Variants in ANK2 observed in about 807,000 individuals in gnomAD.
ANK2 encodes the protein ankyrin-2.
In ANK2, 83 loss-of-function variants were observed where a neutral mutation model predicts 360.5. The ratio of observed to expected loss-of-function variants is 0.23; its 90% CI spans 0.19 to 0.28. The LOEUF (loss-of-function observed/expected upper bound fraction) is 0.28. Among genes scored for constraint, ANK2 ranks in the 10% least tolerant of loss-of-function variants. The pLI is 1.00. For synonymous variants in ANK2, 1,740 were observed against 1,759.5 expected, an observed-to-expected ratio of 0.99 and a Z score of 0.28; for missense variants, 4,201 against 4,795.7, an observed-to-expected ratio of 0.88 and a Z score of 3.66.
At position 112,922,257 on chromosome 4, in the gene ANK2, A is replaced by C. The variant is rs1581209861; in HGVS notation, c.21+17743A>C. On this transcript the variant is annotated intron_variant, in intron 2 of 30. Transcript: ENST00000503271. ...CTGCACTTTACTTTTCCTCACACTA[A>C]CCTCTCTAATTTTCTTAAGTGGTTG... Among the ~76,000 whole-genome samples the C allele has an allele frequency of 4.0e-5, 6 of 151,788 alleles. No homozygotes were observed. In the South Asian group the frequency reaches 1.3e-3, roughly 32 times the overall value.
intron 1 of ANK2, among the ~76,000 whole-genome samples, chr4:112,892,629 T>A (rs2080405802): frequency 6.6e-6 from 1 of 152,222 alleles, no homozygotes; most frequent in African/African-American, 2.4e-5. Context: ...GCTGACATTG[T>A]CCTGTTTACC....
In ANK2 at chr4:113,335,866, C is replaced by T. The variant is rs188812120; in HGVS notation, c.3400C>T (p.Leu1134=). The T allele has an allele frequency of 3.0e-5, 48 of 1,614,106 alleles. No homozygotes were observed. In the East Asian group the frequency reaches 9.4e-4, roughly 31 times the overall value. Residue 1134 remains leucine (L), a synonymous_variant, in exon 30 of 46, where the codon CTA becomes TTA. Transcript: ENST00000357077. ...MDEVLDSPED[L]EKKRICRIIT... ...CTTAGTACTGGATAGCCCAGAAGACCTAGAAAAGAAACGAATCTGCCGCAT... is the reference window on the plus strand; with the variant it reads ...CTTAGTACTGGATAGCCCAGAAGACTTAGAAAAGAAACGAATCTGCCGCAT...
intron 1 of ANK2, among the ~76,000 whole-genome samples, chr4:113,114,925 C>T (rs1041789902): frequency 1.3e-5 from 2 of 152,184 alleles, no homozygotes; most frequent in Non-Finnish European, 2.9e-5. Context: ...TTCCTTGGGA[C>T]TCATGCTATT....
Position 113,355,049 on chromosome 4 carries a change from T to C in ANK2, c.6431T>C (p.Leu2144Ser), listed in dbSNP as rs2154022426. The change falls in exon 38 of 46, where the codon TTG (leucine) becomes TCG (serine). Residue 2144 changes from leucine (L) to serine (S), a missense_variant. This residue lies in a region of ANK2 where 2,642 missense variants were observed against 2,714.5 expected (regional missense o/e 0.97). Coordinates refer to ENST00000357077, the MANE Select transcript of ANK2 (RefSeq NM_001148.6). Reference sequence around the variant, plus strand: ...TTCTCTGAGGTCATTAAGCAAGAGTTGGAAGACAATGACAAATACCAACAA... The same window carrying C: ...TTCTCTGAGGTCATTAAGCAAGAGTCGGAAGACAATGACAAATACCAACAA... ...TDFSEVIKQE[L>S]EDNDKYQQFR... 2 of 1,613,972 alleles carry C rather than the reference T, an allele frequency of 1.2e-6. No individual in the cohort carries two copies. The highest frequency in any genetic ancestry group is 1.7e-6 in the Non-Finnish European group (2 of 1,179,968).
At chr4:113,371,778 GT>G (rs2096746707) in intron 43 of ANK2, among the ~76,000 whole-genome samples, 1 of 152,190 alleles carries the variant, frequency 6.6e-6, no homozygotes, top group Admixed American at 6.5e-5. Flanking sequence ...AGAGACAAAT[GT>G]AAACATATAA....
In ANK2 at chr4:113,064,559, T is replaced by C. The variant is rs189748026; in HGVS notation, c.84+14747T>C. Among the ~76,000 whole-genome samples the C allele has an allele frequency of 2.3e-3, 356 of 152,300 alleles. 2 individuals are homozygous for C. The highest frequency in any genetic ancestry group is 7.1e-3 in the African/African-American group (295 of 41,562). The stretch of plus-strand genomic sequence containing the variant: ...TGCCAGCCCTGCTTATCCACCTCAC[T>C]CTAGGAGCTCAATTTGTGGTGGTGT... On this transcript the variant is annotated intron_variant, in intron 1 of 45. Transcript: ENST00000357077.
chr4:112,932,979 GA>G (rs1481810212), intron 2 of ANK2, among the ~76,000 whole-genome samples: 1 of 152,156 alleles, frequency 6.6e-6, no homozygotes, highest in Non-Finnish European at 1.5e-5. Flanking sequence ...GAATGGATCA[GA>G]AGTTAAGGGG....
At chr4:113,374,993 G>T in intron 45 of ANK2, 1 of 996,330 alleles carries the variant, frequency 1.0e-6, no homozygotes, top group African/African-American at 1.7e-5. Context: ...GTTTTATGTT[G>T]CTTTGCATTT....
At chr4:112,997,697 A>G (rs62317140) in intron 2 of ANK2, among the ~76,000 whole-genome samples, 50,952 of 151,676 alleles carry the variant, frequency 0.34, 9,091 homozygotes, top group East Asian at 0.54. Flanking sequence ...TATTTTTTTC[A>G]TTGACAAGTA....
At chr4:112,767,908 C>G in the ANK2 span, among the ~76,000 whole-genome samples, 3 of 152,168 alleles carry the variant, frequency 2.0e-5, no homozygotes, top group African/African-American at 7.2e-5. Context: ...CTCTCATCCT[C>G]TCCCAAGTCT....
chr4:113,367,750 ACT>A lies in ANK2; in HGVS notation c.11220_11221del (p.Phe3741SerfsTer21). 1 of 1,613,962 alleles carries A rather than the reference ACT, an allele frequency of 6.2e-7. No individual in the cohort carries two copies. Among genetic ancestry groups the A allele is most frequent in the Non-Finnish European group, 8.5e-7 (1 of 1,179,980 alleles). ...KTEGDSSATA[L>X]FPQTHKEQVQ... is the part of the protein sequence containing the mutation. Reference sequence around the variant, plus strand: ...CTGAGGGGGACAGCTCAGCAACAGCACTCTTTCCCCAAACTCACAAGGAGCAA... The same window carrying A: ...CTGAGGGGGACAGCTCAGCAACAGCACTTTCCCCAAACTCACAAGGAGCAA... On this transcript the variant is annotated frameshift_variant, in exon 42 of 46. Transcript: ENST00000357077. LOFTEE classifies it high-confidence loss of function.
chr4:113,210,422 G>A (rs1430302747), intron 4 of ANK2, among the ~76,000 whole-genome samples: 3 of 152,188 alleles, frequency 2.0e-5, no homozygotes, highest in Admixed American at 6.5e-5. Flanking sequence ...AGTATAAAAT[G>A]AGTAAAAAGT....
chr4:113,200,763 A>G (rs1185518472), intron 4 of ANK2, among the ~76,000 whole-genome samples: 1 of 152,010 alleles, frequency 6.6e-6, no homozygotes, highest in Non-Finnish European at 1.5e-5. Flanking sequence ...TGACTTTGCT[A>G]TTGTGAATAA....
At chr4:112,756,466 C>G in the ANK2 span, among the ~76,000 whole-genome samples, 1 of 152,148 alleles carries the variant, frequency 6.6e-6, no homozygotes, top group Non-Finnish European at 1.5e-5. Flanking sequence ...AAATGGCAAT[C>G]AATTTATTAG....
chr4:113,066,974 G>C (rs931442328), intron 1 of ANK2, among the ~76,000 whole-genome samples: 1 of 151,952 alleles, frequency 6.6e-6, no homozygotes, highest in African/African-American at 2.4e-5. Context: ...TGAGTGTTTT[G>C]TTGCTAGTTT....
At chr4:113,153,570 C>T (rs2097170355) in intron 1 of ANK2, among the ~76,000 whole-genome samples, 1 of 152,092 alleles carries the variant, frequency 6.6e-6, no homozygotes, top group Admixed American at 6.6e-5. Flanking sequence ...ATAATCATTT[C>T]TTTTAAAAAA....
At chr4:112,987,514 A>G (rs1206847175) in intron 2 of ANK2, among the ~76,000 whole-genome samples, 1 of 152,060 alleles carries the variant, frequency 6.6e-6, no homozygotes, top group Non-Finnish European at 1.5e-5. Flanking sequence ...GTCTTTGGAG[A>G]AGGGAATGCT....
intron 27 of ANK2, 52 bp from the exon 28 acceptor site, chr4:113,331,920 A>G (rs888494516): frequency 6.6e-7 from 1 of 1,517,064 alleles, no homozygotes; most frequent in African/African-American, 1.4e-5. Flanking sequence ...GGAAGACAAT[A>G]CCTGAAGCTT....
rs750242540 is a variant in ANK2 at position 113,354,241 on chromosome 4, A to C, written c.5623A>C (p.Thr1875Pro). The change falls in exon 38 of 46, where the codon ACT (threonine) becomes CCT (proline). Residue 1875 changes from threonine (T) to proline (P), a missense_variant. Transcript: ENST00000357077. ...TTCACCTGCGTCATCATCGAGTAAA[A>C]CTGAGAAACACTCACCTGTATCACC... ...RHSPASSSSK[T>P]EKHSPVSPST... 2 of 1,614,074 alleles carry C rather than the reference A, an allele frequency of 1.2e-6. No individual in the cohort carries two copies. Among genetic ancestry groups the C allele is most frequent in the East Asian group, 2.2e-5 (1 of 44,874 alleles).
Sources: gnomAD v4.1 joint callset for allele counts (sites outside exome capture counted in the v4.1 genomes callset) on GRCh38, gnomAD v4.1.1 for gene constraint, gnomAD v4.1.1 regional missense constraint, MANE v1.5 for transcripts, NCBI Gene and HGNC (gene_info 2026-07-23, HGNC 2026-07-21) for gene names.